Variants in SLC45A3 observed in about 807,000 individuals in gnomAD.
SLC45A3 encodes prostate cancer associated protein 2.
SLC45A3 carries 17 observed loss-of-function variants against 35.3 expected under a neutral mutation model. That is an observed-to-expected ratio of 0.48 (90% CI 0.33 to 0.72). The LOEUF (loss-of-function observed/expected upper bound fraction) is 0.72. Ranked by LOEUF, SLC45A3 falls within the 30% of genes least tolerant of loss-of-function variation. The probability of loss-of-function intolerance (pLI) is 0.02; values close to 1 mark genes in which losing one functional copy is unlikely to be tolerated. For synonymous variants in SLC45A3, 288 were observed against 334.3 expected, an observed-to-expected ratio of 0.86 and a Z score of 1.51; for missense variants, 597 against 731.7, an observed-to-expected ratio of 0.82 and a Z score of 2.12.
rs1671051174 is a variant in SLC45A3 at position 205,662,802 on chromosome 1, C to T, written c.958+31G>A. The T allele has an allele frequency of 9.1e-6, 14 of 1,543,118 alleles. No individual in the cohort carries two copies. Among genetic ancestry groups the T allele is most frequent in the South Asian group, 1.2e-5 (1 of 80,284 alleles). On this transcript the variant is annotated intron_variant, in intron 3 of 4. Transcript: ENST00000367145. This position sits in a 1 kb window ranked among gnomAD's most constrained non-coding sequence, Gnocchi z 6.2. ...TGTCGTCTCTGGTGGGCGGCTCCCA[C>T]ACCAGCCTCTGCTGGCTGCCAAGGC... is the stretch of plus-strand genomic sequence containing the variant.
chr1:205,660,120 A>C (rs1339319418), intron 4 of SLC45A3, among the ~76,000 whole-genome samples: 1 of 150,878 alleles, frequency 6.6e-6, no homozygotes, highest in Non-Finnish European at 1.5e-5. Flanking sequence ...CCTGCCCTCC[A>C]CTCCGACATC....
Position 205,663,432 on chromosome 1 carries a change from A to C in SLC45A3, c.359T>G (p.Leu120Arg), listed in dbSNP as rs1671065217. Residue 120 changes from leucine (L) to arginine (R), a missense_variant, in exon 3 of 5, where the codon CTG (leucine) becomes CGG (arginine). Physicochemically the swap from Leu to Arg is moderately radical, Grantham distance 102 (BLOSUM62 -2). Coordinates refer to ENST00000367145, the MANE Select transcript of SLC45A3 (RefSeq NM_033102.3). ...GCCCAGGATGAGCAGTGCCAGCTCC[A>C]GGGGCCTGGGATCCGGGCACAGCAG... ...AGLLCPDPRP[L>R]ELALLILGVG... The C allele has an allele frequency of 3.7e-6, 6 of 1,612,822 alleles. No homozygotes were observed. The highest frequency in any genetic ancestry group is 5.1e-6 in the Non-Finnish European group (6 of 1,179,788).
Position 205,661,820 on chromosome 1 carries a change from C to T in SLC45A3, c.1224+41G>A, listed in dbSNP as rs768542747. 12 of 1,578,082 alleles carry T rather than the reference C, an allele frequency of 7.6e-6. No homozygotes were observed. In the African/African-American group the frequency reaches 1.3e-4, roughly 18 times the overall value. On this transcript the variant is annotated intron_variant, in intron 4 of 4. Transcript: ENST00000367145. Reference sequence around the variant, plus strand: ...TAGTTGGCCTCCCAAAAACCCAGACCACCCCTCCCACCCTGACTCCACCCA... The same window carrying T: ...TAGTTGGCCTCCCAAAAACCCAGACTACCCCTCCCACCCTGACTCCACCCA...
In SLC45A3 at chr1:205,680,467, A is replaced by T. The variant is rs1419588689; in HGVS notation, c.-304T>A. ...TTCCGCCCCCCCTTCCTTGCCCCCC[A>T]CGCGCGCCAGCCGGCGGCTTTTAAA... On this transcript the variant is annotated 5_prime_UTR_variant, in exon 1 of 5. Coordinates refer to ENST00000367145, the MANE Select transcript of SLC45A3 (RefSeq NM_033102.3). 1 of 150,080 alleles carries T rather than the reference A, an allele frequency of 6.7e-6. No individual in the cohort carries two copies. Among genetic ancestry groups the T allele is most frequent in the African/African-American group, 2.5e-5 (1 of 40,806 alleles). 9.3% of individuals were successfully genotyped at this position (150,080 alleles called of 1,614,324 possible).
chr1:205,666,447 G>A lies in SLC45A3; in HGVS notation c.-230-1561C>T, dbSNP rs895807691. Among the ~76,000 whole-genome samples the A allele has an allele frequency of 4.6e-5, 7 of 152,242 alleles. No homozygotes were observed. The highest frequency in any genetic ancestry group is 2.1e-4 in the South Asian group (1 of 4,834). Reference sequence around the variant, plus strand: ...TGCTTGAGCCTGGGAGGTCAAGGGTGCAGCGCGCAGTGATTGGACCACTGC... The same window carrying A: ...TGCTTGAGCCTGGGAGGTCAAGGGTACAGCGCGCAGTGATTGGACCACTGC... On this transcript the variant is annotated intron_variant, in intron 1 of 4. Coordinates refer to ENST00000367145, the MANE Select transcript of SLC45A3 (RefSeq NM_033102.3). This position sits in a 1 kb window ranked among gnomAD's most constrained non-coding sequence, Gnocchi z 4.1.
At chr1:205,660,015 C>A (rs543365896) in intron 4 of SLC45A3, among the ~76,000 whole-genome samples, 1 of 152,118 alleles carries the variant, frequency 6.6e-6, no homozygotes, top group African/African-American at 2.4e-5. Flanking sequence ...GGAATGAAGA[C>A]GGTGGTAAGA....
At position 205,659,685 on chromosome 1, in the gene SLC45A3, G is replaced by C; in HGVS notation, c.1225-14C>G. ...GGGCAGGAACACCTAAGGCAGAGGG[G>C]TGAAGAAAAGGGGAAGAGGACAGGT... On this transcript the variant is annotated splice_polypyrimidine_tract_variant and intron_variant, in intron 4 of 4. Transcript: ENST00000367145. This position sits in a 1 kb window ranked among gnomAD's most constrained non-coding sequence, Gnocchi z 5.8. 6.6e-7 allele frequency: 1 copy of C among 1,518,858 alleles called. No individual in the cohort carries two copies. Among genetic ancestry groups the C allele is most frequent in the Non-Finnish European group, 8.8e-7 (1 of 1,134,906 alleles). The allele number at this position is 1,518,858 out of a possible 1,614,324, so 94.1% of individuals were successfully genotyped here. A position where few individuals can be genotyped will look rare whatever the true frequency, so the allele number is the denominator to read the frequency against.
chr1:205,664,851 G>A lies in SLC45A3; in HGVS notation c.-195C>T. 7.0e-7 allele frequency: 1 copy of A among 1,422,012 alleles called. No individual in the cohort carries two copies. The highest frequency in any genetic ancestry group is 9.2e-7 in the Non-Finnish European group (1 of 1,092,052). 88.1% of individuals were successfully genotyped at this position (1,422,012 alleles called of 1,614,324 possible). On this transcript the variant is annotated 5_prime_UTR_variant, in exon 2 of 5. Transcript: ENST00000367145. The surrounding 1 kb of genome is among the most constrained non-coding windows in gnomAD (Gnocchi z 5.3). ...CCATGCTCAACACCTGCTGCTGTGGGGCACCTCAGTGGGGACACGTCTCAT... is the reference window on the plus strand; with the variant it reads ...CCATGCTCAACACCTGCTGCTGTGGAGCACCTCAGTGGGGACACGTCTCAT...
At chr1:205,680,035 CCCGGCCCGGT>C (rs1033126082) in intron 1 of SLC45A3, among the ~76,000 whole-genome samples, 60 of 149,656 alleles carry the variant, frequency 4.0e-4, no homozygotes, top group African/African-American at 1.1e-3. Flanking sequence ...CAGCCGTCGG[CCCGGCCCGGT>C]CCGGCCCGGC....
chr1:205,661,685 A>T (rs193162913), intron 4 of SLC45A3, among the ~76,000 whole-genome samples, 176 bp downstream of exon 4: 1 of 152,268 alleles, frequency 6.6e-6, no homozygotes, highest in African/African-American at 2.4e-5. Context: ...CCAGAATCTA[A>T]TCTACACTGT....
intron 1 of SLC45A3, among the ~76,000 whole-genome samples, chr1:205,674,754 T>C (rs1384571192): frequency 6.6e-6 from 1 of 151,944 alleles, no homozygotes; most frequent in Non-Finnish European, 1.5e-5. Flanking sequence ...TCTCATTCTG[T>C]TGCCCAGGCT....
chr1:205,679,324 G>A (rs1431884095), intron 1 of SLC45A3, among the ~76,000 whole-genome samples: 1 of 152,114 alleles, frequency 6.6e-6, no homozygotes. Flanking sequence ...TAGGGAACAC[G>A]CCCTGGAGTG....
At position 205,663,178 on chromosome 1, in the gene SLC45A3, G is replaced by A. The variant is rs1484004420; in HGVS notation, c.613C>T (p.Leu205Phe). The A allele has an allele frequency of 8.7e-6, 14 of 1,613,054 alleles. 2 individuals are homozygous for A. The Middle Eastern group carries it at 5.0e-4, about 57-fold the overall frequency. The change falls in exon 3 of 5, where the codon CTC becomes TTC. Residue 205 changes from leucine (L) to phenylalanine (F), a missense_variant. Coordinates refer to ENST00000367145, the MANE Select transcript of SLC45A3 (RefSeq NM_033102.3). ...QEECLFGLLT[L>F]IFLTCVAATL... is the part of the protein sequence containing the mutation. ...GCTGCTACGCAGGTGAGGAAGATGAGGGTGAGCAGGCCAAAGAGGCACTCC... is the reference window on the plus strand; with the variant it reads ...GCTGCTACGCAGGTGAGGAAGATGAAGGTGAGCAGGCCAAAGAGGCACTCC...
chr1:205,662,935 T>C lies in SLC45A3; in HGVS notation c.856A>G (p.Met286Val), dbSNP rs1671053393. 6.2e-7 allele frequency: 1 copy of C among 1,613,620 alleles called. No homozygotes were observed. The highest frequency in any genetic ancestry group is 8.5e-7 in the Non-Finnish European group (1 of 1,179,990). ...TCCGTGTAAAACAGCGTGAAGGTCA[T>C]GAGTGCCATCCAGCTGCACAGCTCA... ...VAELCSWMAL[M>V]TFTLFYTDFV... The change falls in exon 3 of 5, where the codon ATG (methionine) becomes GTG (valine). Residue 286 changes from methionine to valine, a missense_variant. Met to Val is a conservative substitution (Grantham distance 21). Around this residue, in one of 3 missense-constraint regions of SLC45A3, gnomAD observed 555 missense variants for 664.9 expected, o/e 0.83. Transcript: ENST00000367145. The surrounding 1 kb of genome is among the most constrained non-coding windows in gnomAD (Gnocchi z 6.2).
At chr1:205,680,031 T>TCGGCCCGGCCCGGCCCGGCC (rs11281161) in intron 1 of SLC45A3, among the ~76,000 whole-genome samples, 4 of 147,684 alleles carry the variant, frequency 2.7e-5, no homozygotes, top group East Asian at 2.0e-4. Context: ...CCGCCAGCCG[T>TCGGCCCGGCCCGGCCCGGCC]CGGCCCGGCC....
Position 205,664,583 on chromosome 1 carries a change from G to A in SLC45A3, c.74C>T (p.Thr25Ile). 6.2e-7 allele frequency: 1 copy of A among 1,614,268 alleles called. No individual in the cohort carries two copies. The highest frequency in any genetic ancestry group is 1.3e-5 in the African/African-American group (1 of 75,066). ...GGCCAAACACACCTCCAGGCCAAAGGTTAGCAGGTTGACCAGCAAGAGCTG... is the reference window on the plus strand; with the variant it reads ...GGCCAAACACACCTCCAGGCCAAAGATTAGCAGGTTGACCAGCAAGAGCTG... Reference protein sequence around the residue: ...KAQLLLVNLLTFGLEVCLAAG... With the variant: ...KAQLLLVNLLIFGLEVCLAAG... Residue 25 changes from threonine (T) to isoleucine (I), a missense_variant, in exon 2 of 5, where the codon ACC (threonine) becomes ATC (isoleucine). Physicochemically the swap from Thr to Ile is moderately conservative, Grantham distance 89 (BLOSUM62 -1). Coordinates refer to ENST00000367145, the MANE Select transcript of SLC45A3 (RefSeq NM_033102.3). This position sits in a 1 kb window ranked among gnomAD's most constrained non-coding sequence, Gnocchi z 5.3.
Position 205,662,278 on chromosome 1 carries a change from A to G in SLC45A3, c.959-152T>C. The G allele has an allele frequency of 7.0e-7, 1 of 1,432,514 alleles. No individual in the cohort carries two copies. The highest frequency in any genetic ancestry group is 9.1e-7 in the Non-Finnish European group (1 of 1,096,656). The allele number at this position is 1,432,514 out of a possible 1,614,324, so 88.7% of individuals were successfully genotyped here. ...CAGCACCCTTCCCCTTTCTACCTCT[A>G]GCAATGGGAGTCTAGGTTCTTCCAC... On this transcript the variant is annotated intron_variant, in intron 3 of 4. Coordinates refer to ENST00000367145, the MANE Select transcript of SLC45A3 (RefSeq NM_033102.3). This position sits in a 1 kb window ranked among gnomAD's most constrained non-coding sequence, Gnocchi z 6.2.
chr1:205,672,391 G>C (rs941469866), intron 1 of SLC45A3, among the ~76,000 whole-genome samples: 3 of 152,206 alleles, frequency 2.0e-5, no homozygotes, highest in Non-Finnish European at 4.4e-5. Context: ...GTGGGACAAA[G>C]ATCCCATAGT....
chr1:205,663,143 C>G lies in SLC45A3; in HGVS notation c.648G>C (p.Leu216=), dbSNP rs1671059947. The change falls in exon 3 of 5, where the codon CTG becomes CTC. Residue 216 remains leucine (L), a synonymous_variant. Coordinates refer to ENST00000367145, the MANE Select transcript of SLC45A3 (RefSeq NM_033102.3). ...GGCCCAGCGCTGCCTCCTCAGCCAC[C>G]AGCAGTGTGGCTGCTACGCAGGTGA... ...IFLTCVAATL[L]VAEEAALGPT... is the part of the protein sequence containing the mutation. The G allele has an allele frequency of 6.2e-7, 1 of 1,611,754 alleles. No homozygotes were observed. Among genetic ancestry groups the G allele is most frequent in the Non-Finnish European group, 8.5e-7 (1 of 1,179,196 alleles).
Sources: gnomAD v4.1 joint callset for allele counts (sites outside exome capture counted in the v4.1 genomes callset) on GRCh38, gnomAD v4.1.1 for gene constraint, gnomAD v4.1.1 regional missense constraint, Gnocchi (gnomAD v3.1) non-coding constraint, MANE v1.5 for transcripts, NCBI Gene and HGNC (gene_info 2026-07-23, HGNC 2026-07-21) for gene names.